Variants in BICD1 observed in about 807,000 individuals in gnomAD.
BICD1 encodes protein bicaudal D homolog 1.
In BICD1, 35 loss-of-function variants were observed where a neutral mutation model predicts 92.5. The ratio of observed to expected loss-of-function variants is 0.38; its 90% CI spans 0.29 to 0.50. The LOEUF (loss-of-function observed/expected upper bound fraction) is 0.50, where lower values mean the gene tolerates loss of function less well. Among genes scored for constraint, BICD1 ranks in the 20% least tolerant of loss-of-function variants. The pLI is 0.93. For synonymous variants in BICD1, 429 were observed against 465.1 expected (o/e 0.92, Z 1.00); for missense variants, 950 against 1,189.8 (o/e 0.80, Z 2.97).
intron 2 of BICD1, among the ~76,000 whole-genome samples, chr12:32,222,805 G>A (rs78184343): frequency 0.076 from 11,622 of 152,134 alleles, 845 homozygotes; most frequent in East Asian, 0.34. Context: ...CCTTTCCAGC[G>A]TATGAGGACA....
At chr12:32,231,171 G>A (rs1385796948) in intron 2 of BICD1, among the ~76,000 whole-genome samples, 1 of 152,072 alleles carries the variant, frequency 6.6e-6, no homozygotes, top group Non-Finnish European at 1.5e-5. Flanking sequence ...AAATATTTGG[G>A]AGAAAACTTC....
At chr12:32,210,583 A>T (rs1945188831) in intron 1 of BICD1, among the ~76,000 whole-genome samples, 1 of 152,220 alleles carries the variant, frequency 6.6e-6, no homozygotes, top group Non-Finnish European at 1.5e-5. Flanking sequence ...TTACAGTCAC[A>T]TCTAATTTAA....
intron 8 of BICD1, among the ~76,000 whole-genome samples, chr12:32,346,556 ATATATATATATATATATATAT>A (rs1938587623): frequency 3.7e-5 from 1 of 27,240 alleles, no homozygotes; most frequent in African/African-American, 2.5e-4. Flanking sequence ...ATATATATAT[ATATATATATATATATATATAT>A]ATATACGTGT....
intron 2 of BICD1, among the ~76,000 whole-genome samples, chr12:32,258,569 G>A (rs1033949241): frequency 2.6e-5 from 4 of 151,882 alleles, no homozygotes; most frequent in Non-Finnish European, 5.9e-5. Flanking sequence ...TAATGGCCCC[G>A]AATGGTTGGG....
At chr12:32,163,418 A>G (rs926623030) in intron 1 of BICD1, among the ~76,000 whole-genome samples, 2 of 152,162 alleles carry the variant, frequency 1.3e-5, no homozygotes, top group Non-Finnish European at 2.9e-5. Flanking sequence ...AAACAAGTGT[A>G]TAGAGAATAA....
intron 1 of BICD1, among the ~76,000 whole-genome samples, chr12:32,177,689 A>AAGAGAT (rs1406777839): frequency 6.2e-5 from 9 of 144,838 alleles, no homozygotes; most frequent in Admixed American, 1.4e-4. Context: ...CACATTATTA[A>AAGAGAT]AGTTAAATGA....
At chr12:32,362,609 C>T (rs1001435036) in intron 8 of BICD1, among the ~76,000 whole-genome samples, 3 of 152,186 alleles carry the variant, frequency 2.0e-5, no homozygotes, top group Admixed American at 6.5e-5. Context: ...CCTTCTGTTT[C>T]TTTGACTCTA....
At chr12:32,326,847 C>T (rs1430470312) in intron 4 of BICD1, among the ~76,000 whole-genome samples, 2 of 152,178 alleles carry the variant, frequency 1.3e-5, no homozygotes, top group Non-Finnish European at 2.9e-5. Context: ...TGTGCCACTG[C>T]ACTCCAGTGT....
intron 8 of BICD1, among the ~76,000 whole-genome samples, chr12:32,349,973 G>A (rs1042724867): frequency 2.0e-5 from 3 of 152,182 alleles, no homozygotes; most frequent in Non-Finnish European, 4.4e-5. Flanking sequence ...TGGAATGTCC[G>A]TCAACATGAC....
At chr12:32,142,865 A>G (rs1448508673) in intron 1 of BICD1, among the ~76,000 whole-genome samples, 2 of 152,060 alleles carry the variant, frequency 1.3e-5, no homozygotes, top group Admixed American at 6.5e-5. Context: ...ATGCAGCACA[A>G]TTTGAAACTT....
intron 9 of BICD1, among the ~76,000 whole-genome samples, chr12:32,370,506 C>T (rs1365508395): frequency 2.0e-5 from 3 of 152,102 alleles, no homozygotes; most frequent in East Asian, 3.9e-4. Context: ...CCACCAAGCA[C>T]CCCCAGCCCT....
At chr12:32,244,629 AT>A (rs57854307) in intron 2 of BICD1, among the ~76,000 whole-genome samples, 11,158 of 135,534 alleles carry the variant, frequency 0.082, 1,023 homozygotes, top group African/African-American at 0.27. Context: ...TTGATATAGG[AT>A]TTTTTTTTTT....
intron 1 of BICD1, among the ~76,000 whole-genome samples, chr12:32,139,547 G>A (rs958446322): frequency 1.3e-5 from 2 of 152,154 alleles, no homozygotes; most frequent in Admixed American, 1.3e-4. Context: ...AGCATACGGT[G>A]GGCACAAAGG....
At chr12:32,311,207 A>T (rs1337479681) in intron 4 of BICD1, among the ~76,000 whole-genome samples, 1 of 152,200 alleles carries the variant, frequency 6.6e-6, no homozygotes, top group African/African-American at 2.4e-5. Context: ...ACATTTAAGA[A>T]ATACATTGGG....
At position 32,382,055 on chromosome 12, in the gene BICD1, C is replaced by T. The variant is rs956180488; in HGVS notation, c.*4428C>T. 1.3e-5 allele frequency: 2 copies of T among 152,040 alleles called. No individual in the cohort carries two copies. Among genetic ancestry groups the T allele is most frequent in the Non-Finnish European group, 2.9e-5 (2 of 67,954 alleles). 9.4% of individuals were successfully genotyped at this position (152,040 alleles called of 1,614,324 possible). A position where few individuals can be genotyped will look rare whatever the true frequency, so the allele number is the denominator to read the frequency against. ...GGAACTACAAGATCAATCTAGCTCC[C>T]GAGTGACATTTTCCATTGTCTGTAA... On this transcript the variant is annotated 3_prime_UTR_variant, in exon 10 of 10. Transcript: ENST00000652176.
intron 2 of BICD1, among the ~76,000 whole-genome samples, chr12:32,264,677 G>T (rs958791065): frequency 1.7e-4 from 26 of 151,954 alleles, no homozygotes; most frequent in Admixed American, 1.6e-3. Flanking sequence ...TAGTAGAGAT[G>T]GGGTTTCACC....
At chr12:32,134,751 G>T (rs2121323434) in intron 1 of BICD1, among the ~76,000 whole-genome samples, 1 of 152,292 alleles carries the variant, frequency 6.6e-6, no homozygotes, top group South Asian at 2.1e-4. Context: ...TGACTGTGTG[G>T]TTGTTAAACT....
At position 32,377,755 on chromosome 12, in the gene BICD1, T is replaced by C; in HGVS notation, c.*128T>C. 1.2e-6 allele frequency: 1 copy of C among 810,406 alleles called. No individual in the cohort carries two copies. Among genetic ancestry groups the C allele is most frequent in the Non-Finnish European group, 2.0e-6 (1 of 497,356 alleles). The allele number at this position is 810,406 out of a possible 1,614,324, so 50.2% of individuals were successfully genotyped here. On this transcript the variant is annotated 3_prime_UTR_variant, in exon 10 of 10. Transcript: ENST00000652176. The stretch of plus-strand genomic sequence containing the variant: ...ACAATTGGATTAATGTCCATCGTTT[T>C]GGAAGACGAGAGAAAGTTGAGAAGA...
intron 2 of BICD1, among the ~76,000 whole-genome samples, chr12:32,246,375 C>T (rs1052352365): frequency 5.3e-5 from 8 of 150,982 alleles, no homozygotes; most frequent in Non-Finnish European, 1.0e-4. Context: ...CGGTGGCTCA[C>T]ACTTGTAATC....
Sources: allele counts gnomAD v4.1 joint callset (sites outside exome capture counted in the v4.1 genomes callset), GRCh38; gene constraint gnomAD v4.1.1; transcripts MANE v1.5; gene names NCBI Gene and HGNC (gene_info 2026-07-23, HGNC 2026-07-21).